Variants in ZAR1 observed in about 807,000 individuals in gnomAD.
The protein encoded by ZAR1 is zygote arrest protein 1.
A neutral mutation model predicts 38.3 loss-of-function variants in ZAR1; 37 were observed. The observed-to-expected ratio is 0.97, with a 90% CI of 0.74 to 1.27. ZAR1 has a LOEUF of 1.27. Among genes scored for constraint, ZAR1 ranks in the 50% most tolerant of loss-of-function variants. ZAR1 has a pLI of 0.00. For synonymous variants in ZAR1, 336 were observed against 292.0 expected (o/e 1.15, Z -1.53); for missense variants, 651 against 632.4 (o/e 1.03, Z -0.32).
Position 48,490,699 on chromosome 4 carries a change from C to T in ZAR1, c.408C>T (p.Ser136=). 1 of 1,323,876 alleles carries T rather than the reference C, an allele frequency of 7.6e-7. No individual in the cohort carries two copies. The highest frequency in any genetic ancestry group is 9.6e-7 in the Non-Finnish European group (1 of 1,041,584). 82.0% of individuals were successfully genotyped at this position (1,323,876 alleles called of 1,614,324 possible). Residue 136 remains serine, a synonymous_variant, in exon 1 of 4, where the codon TCC becomes TCT. Coordinates refer to ENST00000327939, the MANE Select transcript of ZAR1 (RefSeq NM_175619.3). ...AGCGCCGGGCCCGCGACCCCGAGTC[C>T]CCGGCCGGCCCCGGGGCCGAGGGCA... The part of the protein sequence containing the change: ...TLQRRARDPE[S]PAGPGAEGTT...
Position 48,490,582 on chromosome 4 carries a change from C to A in ZAR1, c.291C>A (p.Arg97=). 7.2e-7 allele frequency: 1 copy of A among 1,389,896 alleles called. No homozygotes were observed. The highest frequency in any genetic ancestry group is 2.4e-4 in the Middle Eastern group (1 of 4,226). The allele number at this position is 1,389,896 out of a possible 1,614,324, so 86.1% of individuals were successfully genotyped here. Residue 97 remains arginine, a synonymous_variant, in exon 1 of 4, where the codon CGC becomes CGA. Coordinates refer to ENST00000327939, the MANE Select transcript of ZAR1 (RefSeq NM_175619.3). The part of the protein sequence containing the change: ...LAQVGPGLGP[R]ARRAGSCDVA... ...AGGTGGGGCCGGGTCTCGGGCCGCG[C>A]GCCCGCAGGGCCGGCAGCTGCGACG...
Position 48,493,401 on chromosome 4 carries a change from G to T in ZAR1, c.1131+389G>T, listed in dbSNP as rs1402762988. 2.0e-5 allele frequency among the ~76,000 whole-genome samples: 3 copies of T among 152,098 alleles called. No homozygotes were observed. The East Asian group carries it at 5.8e-4, about 29-fold the overall frequency. ...CAACCTTAAAGTACTTAAGCACAGG[G>T]GGTTAGTTTGTCTTGCCTGAAAGCT... On this transcript the variant is annotated intron_variant, in intron 3 of 3. Transcript: ENST00000327939.
chr4:48,496,092 T>C (rs1332290576), downstream of ZAR1, among the ~76,000 whole-genome samples: 1 of 152,148 alleles, frequency 6.6e-6, no homozygotes, highest in Non-Finnish European at 1.5e-5. Flanking sequence ...TTTGCCAGGC[T>C]GCACTAAAAG....
intron 1 of ZAR1, among the ~76,000 whole-genome samples, chr4:48,491,793 T>G (rs1577772779): frequency 6.6e-6 from 1 of 152,230 alleles, no homozygotes; most frequent in East Asian, 1.9e-4. Context: ...TTGCTTTGCT[T>G]TTAAGAAGCA....
downstream of ZAR1, among the ~76,000 whole-genome samples, chr4:48,494,939 G>GA (rs1430629801): frequency 6.6e-6 from 1 of 152,188 alleles, no homozygotes; most frequent in Non-Finnish European, 1.5e-5. Context: ...GTGGGGCTTG[G>GA]AACAGGGTGG....
intron 1 of ZAR1, among the ~76,000 whole-genome samples, 164 bp from the exon 2 acceptor site, chr4:48,492,602 A>C (rs1229550724): frequency 1.3e-5 from 2 of 152,210 alleles, no homozygotes; most frequent in East Asian, 3.8e-4. Context: ...TAGGCTATTA[A>C]GCTCACTTAA....
At chr4:48,491,543 G>T (rs1718443632) in intron 1 of ZAR1, among the ~76,000 whole-genome samples, 1 of 145,238 alleles carries the variant, frequency 6.9e-6, no homozygotes, top group African/African-American at 2.5e-5. Flanking sequence ...ACCTCGCGCA[G>T]TGGGCGCATA....
In ZAR1 at chr4:48,491,314, C is replaced by A. The variant is rs146514814; in HGVS notation, c.963+60C>A. On this transcript the variant is annotated intron_variant, in intron 1 of 3. Transcript: ENST00000327939. Reference sequence around the variant, plus strand: ...CGGGGGTGCGGGTGTCTTCCTTGGGCCTGGCCCTGTGACTGCTTCGGGCAC... The same window carrying A: ...CGGGGGTGCGGGTGTCTTCCTTGGGACTGGCCCTGTGACTGCTTCGGGCAC... 1.1e-4 allele frequency: 128 copies of A among 1,191,226 alleles called. 1 individual carries two copies. In the East Asian group the frequency reaches 4.1e-3, roughly 38 times the overall value. 73.8% of individuals were successfully genotyped at this position (1,191,226 alleles called of 1,614,324 possible).
chr4:48,491,269 G>T lies in ZAR1; in HGVS notation c.963+15G>T, dbSNP rs371480105. The T allele has an allele frequency of 2.6e-3, 3,229 of 1,234,002 alleles. 12 individuals are homozygous for T. Among genetic ancestry groups the T allele is most frequent in the South Asian group, 0.012 (304 of 24,606 alleles). 76.4% of individuals were successfully genotyped at this position (1,234,002 alleles called of 1,614,324 possible). ...TGCGCTTCCAGGTAAAGCCTAGGGC[G>T]GTCAGGGCACAGGGGAGCCCGGGGG... On this transcript the variant is annotated intron_variant, in intron 1 of 3. Coordinates refer to ENST00000327939, the MANE Select transcript of ZAR1 (RefSeq NM_175619.3).
At chr4:48,496,214 G>A (rs1718600348), downstream of ZAR1, among the ~76,000 whole-genome samples, 2 of 152,336 alleles carry the variant, frequency 1.3e-5, no homozygotes, top group Admixed American at 1.3e-4. Flanking sequence ...ACCTGATAAA[G>A]TGGTGGCAAG....
rs754780024 is a variant in ZAR1 at position 48,494,150 on chromosome 4, A to G, written c.1181A>G (p.Asp394Gly). Residue 394 changes from aspartate to glycine, a missense_variant, in exon 4 of 4, where the codon GAC becomes GGC. This residue lies in a region of ZAR1 where 129 missense variants were observed against 172.5 expected (regional missense o/e 0.75). Transcript: ENST00000327939. ...TGCCCAGTAAAACTTCGCCACGTGGACCCTAAACGGCCCCACCGTCAAGAT... is the reference window on the plus strand; with the variant it reads ...TGCCCAGTAAAACTTCGCCACGTGGGCCCTAAACGGCCCCACCGTCAAGAT... ...CSCPVKLRHV[D>G]PKRPHRQDLC... 32 of 1,614,010 alleles carry G rather than the reference A, an allele frequency of 2.0e-5. No individual in the cohort carries two copies. Among genetic ancestry groups the G allele is most frequent in the South Asian group, 1.3e-4 (12 of 91,084 alleles).
Position 48,490,353 on chromosome 4 carries a change from C to T in ZAR1, c.62C>T (p.Ser21Leu), listed in dbSNP as rs1718385817. 2.0e-6 allele frequency: 3 copies of T among 1,512,418 alleles called. No individual in the cohort carries two copies. Among genetic ancestry groups the T allele is most frequent in the Non-Finnish European group, 2.6e-6 (3 of 1,136,664 alleles). 93.7% of individuals were successfully genotyped at this position (1,512,418 alleles called of 1,614,324 possible). The change falls in exon 1 of 4, where the codon TCG becomes TTG. Residue 21 changes from serine to leucine, a missense_variant. By Grantham distance (145) the Ser-to-Leu change is moderately radical (BLOSUM62 -2). Transcript: ENST00000327939. ...GTGTTCCCGGCGTGCCCCCCCTGCT[C>T]GTACCGGTACCCATACCCCGCGGCC... ...GYVFPACPPC[S>L]YRYPYPAATK... is the part of the protein sequence containing the mutation.
Position 48,493,010 on chromosome 4 carries a change from C to G in ZAR1, c.1129C>G (p.Gln377Glu), listed in dbSNP as rs373552510. The stretch of plus-strand genomic sequence containing the variant: ...TTACCGAGTGGAGGATATCACCTGT[C>G]AAGTAAATCAGATGTTTTGCATTTT... ...NPYRVEDITCQSCKQTRCSCP... is the reference protein window; with the variant it reads ...NPYRVEDITCESCKQTRCSCP... Residue 377 changes from glutamine (Q) to glutamate (E), a missense_variant and splice_region_variant, in exon 3 of 4, where the codon CAA becomes GAA. By Grantham distance (29) the Gln-to-Glu change is conservative. This residue lies in a region of ZAR1 where 129 missense variants were observed against 172.5 expected (regional missense o/e 0.75). Transcript: ENST00000327939. 8.1e-6 allele frequency: 13 copies of G among 1,613,914 alleles called. No individual in the cohort carries two copies. In the African/African-American group the frequency reaches 1.7e-4, roughly 22 times the overall value.
In ZAR1 at chr4:48,490,477, C is replaced by G. The variant is rs774627867; in HGVS notation, c.186C>G (p.Ser62=). 9.5e-6 allele frequency: 14 copies of G among 1,468,972 alleles called. No homozygotes were observed. The East Asian group carries it at 2.9e-4, about 31-fold the overall frequency. The allele number at this position is 1,468,972 out of a possible 1,614,324, so 91.0% of individuals were successfully genotyped here. ...GCTCGGCGGGCGCGGCCTCGTTGTC[C>G]TTCCCGGGCTGCGGGCGGCTGACGG... ...SPCSAGAASL[S]FPGCGRLTAA... Residue 62 remains serine (S), a synonymous_variant, in exon 1 of 4, where the codon TCC becomes TCG. Transcript: ENST00000327939.
downstream of ZAR1, among the ~76,000 whole-genome samples, chr4:48,494,673 G>C (rs1718538459): frequency 6.9e-6 from 1 of 145,546 alleles, no homozygotes; most frequent in Admixed American, 6.7e-5. Context: ...CTGGGTGACA[G>C]AGTGAGACTC....
rs1718387348 is a variant in ZAR1, at chr4:48,490,385, G to T, written c.94G>T (p.Gly32Cys). 2.0e-6 allele frequency: 3 copies of T among 1,501,344 alleles called. No homozygotes were observed. The highest frequency in any genetic ancestry group is 1.7e-4 in the Middle Eastern group (1 of 5,872). The allele number at this position is 1,501,344 out of a possible 1,614,324, so 93.0% of individuals were successfully genotyped here. The change falls in exon 1 of 4, where the codon GGC becomes TGC. Residue 32 changes from glycine (G) to cysteine (C), a missense_variant. This residue lies in a region of ZAR1 where 522 missense variants were observed against 459.9 expected (regional missense o/e 1.14). Coordinates refer to ENST00000327939, the MANE Select transcript of ZAR1 (RefSeq NM_175619.3). ...GTACCCATACCCCGCGGCCACCAAG[G>T]GCAAGGGCGCGGCGGGCGGCAGCTG... is the stretch of plus-strand genomic sequence containing the variant. ...YRYPYPAATK[G>C]KGAAGGSWQQ...
rs752322275 is a variant in ZAR1, at chr4:48,490,886, C to T, written c.595C>T (p.Pro199Ser). The change falls in exon 1 of 4, where the codon CCC (proline) becomes TCC (serine). Residue 199 changes from proline (P) to serine (S), a missense_variant. Coordinates refer to ENST00000327939, the MANE Select transcript of ZAR1 (RefSeq NM_175619.3). ...CACCGCCTTCCTGGAGGGGCCCGGG[C>T]CCGCGGCGGGCGAGCAGAGGTCCGG... ...RLTAFLEGPG[P>S]AAGEQRSGAS... The T allele has an allele frequency of 9.0e-5, 126 of 1,405,302 alleles. No individual in the cohort carries two copies. The African/African-American group carries it at 1.7e-3, about 19-fold the overall frequency. 87.1% of individuals were successfully genotyped at this position (1,405,302 alleles called of 1,614,324 possible). A position where few individuals can be genotyped will look rare whatever the true frequency, so the allele number is the denominator to read the frequency against.
At position 48,494,091 on chromosome 4, in the gene ZAR1, T is replaced by C. The variant is rs139868209; in HGVS notation, c.1132-10T>C. ...TCTTCTGCATGCCCTTCTGTATTTTTTTCCCCCAGAGTTGTAAACAAACGA... is the reference window on the plus strand; with the variant it reads ...TCTTCTGCATGCCCTTCTGTATTTTCTTCCCCCAGAGTTGTAAACAAACGA... On this transcript the variant is annotated splice_polypyrimidine_tract_variant and intron_variant, in intron 3 of 3. Transcript: ENST00000327939. 2.4e-5 allele frequency: 38 copies of C among 1,609,348 alleles called. No homozygotes were observed. The African/African-American group carries it at 3.9e-4, about 16-fold the overall frequency.
chr4:48,497,418 CACAAAAAGCAAA>C (rs1718689181), downstream of ZAR1: 1 of 152,446 alleles, frequency 6.6e-6, no homozygotes, highest in African/African-American at 2.4e-5. Flanking sequence ...TATAAATAAA[CACAAAAAGCAAA>C]TATCAACTGA....
Sources: gnomAD v4.1 joint callset for allele counts (sites outside exome capture counted in the v4.1 genomes callset) on GRCh38, gnomAD v4.1.1 for gene constraint, gnomAD v4.1.1 regional missense constraint, MANE v1.5 for transcripts, NCBI Gene and HGNC (gene_info 2026-07-23, HGNC 2026-07-21) for gene names.